UNC13B: variants seen among roughly 807,000 people sequenced by gnomAD.
UNC13B encodes protein unc-13 homolog B.
Under a neutral mutation model 211.0 loss-of-function variants are expected in UNC13B, and 144 were observed. The observed-to-expected ratio is 0.68, with a 90% confidence interval of 0.60 to 0.78. The LOEUF is 0.78. UNC13B is among the 30% of genes least tolerant of loss of function. The pLI is 0.00. For synonymous variants in UNC13B, 709 were observed against 725.8 expected, an observed-to-expected ratio of 0.98 and a Z score of 0.37; for missense variants, 1,777 against 2,002.0, an observed-to-expected ratio of 0.89 and a Z score of 2.14.
chr9:35,329,018 A>T (rs1831215316), intron 11 of UNC13B, among the ~76,000 whole-genome samples: 1 of 151,452 alleles, frequency 6.6e-6, no homozygotes. Context: ...TGATCCGCCC[A>T]CCTCGGCCTC....
intron 7 of UNC13B, among the ~76,000 whole-genome samples, chr9:35,282,898 T>A (rs1828586242): frequency 6.6e-6 from 1 of 152,220 alleles, no homozygotes; most frequent in Non-Finnish European, 1.5e-5. Flanking sequence ...TCCTATAAGT[T>A]TAGCTTAACA....
intron 1 of UNC13B, among the ~76,000 whole-genome samples, chr9:35,182,636 T>C (rs1031463890): frequency 6.6e-6 from 1 of 152,160 alleles, no homozygotes; most frequent in African/African-American, 2.4e-5. Context: ...GTAGTGTTTG[T>C]GTCCCTGGGT....
chr9:35,397,078 A>G, intron 28 of UNC13B, 89 bp from the exon 29 acceptor site: 2 of 1,602,118 alleles, frequency 1.2e-6, no homozygotes, highest in Non-Finnish European at 1.7e-6. Context: ...GCCATTAGCC[A>G]CTCTTGCTGG....
At chr9:35,243,239 T>G in intron 5 of UNC13B, 52 bp from the exon 6 acceptor site, 1 of 1,567,634 alleles carries the variant, frequency 6.4e-7, no homozygotes, top group South Asian at 1.1e-5. Context: ...TGCTGATGAT[T>G]TATTACCTGC....
chr9:35,183,163 T>A (rs555410779), intron 1 of UNC13B, among the ~76,000 whole-genome samples: 1 of 103,996 alleles, frequency 9.6e-6, no homozygotes, highest in Non-Finnish European at 1.9e-5. Context: ...ACCTCCCAGA[T>A]GGGGCGGCCG....
chr9:35,397,675 C>T lies in UNC13B; in HGVS notation c.11717C>T (p.Ser3906Leu). 1 of 1,614,088 alleles carries T rather than the reference C, an allele frequency of 6.2e-7. No homozygotes were observed. The highest frequency in any genetic ancestry group is 8.5e-7 in the Non-Finnish European group (1 of 1,179,998). Residue 3906 changes from serine to leucine, a missense_variant, in exon 30 of 40, where the codon TCA (serine) becomes TTA (leucine). By Grantham distance (145) the Ser-to-Leu change is moderately radical. Transcript: ENST00000635942. ...CTGATGCAGTATGCAGACATCTTGT[C>T]AAAGGACTTCCCAGCCTATTGCACA... ...KVLMQYADIL[S>L]KDFPAYCTKE...
chr9:35,378,368 C>T lies in UNC13B; in HGVS notation c.10137C>T (p.Ser3379=). ...SSDPYVTVQV[S]KTKKRTKTIF... is the part of the protein sequence containing the mutation. ...ACCCTTACGTGACTGTGCAAGTCAG[C>T]AAAACTAAGAAGCGTACCAAGACCA... is the stretch of plus-strand genomic sequence containing the variant. Residue 3379 remains serine, a synonymous_variant, in exon 17 of 40, where the codon AGC becomes AGT. Coordinates refer to ENST00000635942, the MANE Select transcript of UNC13B (RefSeq NM_001371189.2). The T allele has an allele frequency of 6.2e-7, 1 of 1,614,058 alleles. No individual in the cohort carries two copies. Among genetic ancestry groups the T allele is most frequent in the Non-Finnish European group, 8.5e-7 (1 of 1,180,002 alleles).
chr9:35,341,245 G>A (rs745713986), intron 11 of UNC13B, among the ~76,000 whole-genome samples: 16 of 152,036 alleles, frequency 1.1e-4, no homozygotes, highest in African/African-American at 3.4e-4. Context: ...TCCTTCTCTC[G>A]GGTTGTTGCT....
intron 11 of UNC13B, among the ~76,000 whole-genome samples, chr9:35,326,465 C>G (rs1480667933): frequency 6.6e-6 from 1 of 152,168 alleles, no homozygotes; most frequent in Non-Finnish European, 1.5e-5. Flanking sequence ...TGGTTCACTG[C>G]AGCCTTGAAT....
intron 11 of UNC13B, chr9:35,342,325 AT>A (rs1823478412): frequency 2.0e-6 from 2 of 985,334 alleles, no homozygotes; most frequent in East Asian, 1.1e-4. Context: ...CTTAACCCTT[AT>A]TTTGGTTGCA....
chr9:35,368,196 T>C (rs1051927870), intron 12 of UNC13B, among the ~76,000 whole-genome samples: 1 of 152,166 alleles, frequency 6.6e-6, no homozygotes, highest in Non-Finnish European at 1.5e-5. Flanking sequence ...TTTTTTCTGC[T>C]CCTCTCCCTC....
At chr9:35,355,295 T>C (rs540865835) in intron 11 of UNC13B, among the ~76,000 whole-genome samples, 1 of 152,328 alleles carries the variant, frequency 6.6e-6, no homozygotes, top group Non-Finnish European at 1.5e-5. Flanking sequence ...GGAAATGTAT[T>C]AGGTGAACAA....
intron 1 of UNC13B, among the ~76,000 whole-genome samples, chr9:35,201,435 G>T (rs1224025707): frequency 6.6e-6 from 1 of 152,154 alleles, no homozygotes; most frequent in Non-Finnish European, 1.5e-5. Flanking sequence ...TGTACCTCTG[G>T]TAGAATTCAG....
intron 11 of UNC13B, among the ~76,000 whole-genome samples, chr9:35,363,023 G>A (rs1206612873): frequency 1.3e-5 from 2 of 152,146 alleles, no homozygotes; most frequent in African/African-American, 4.8e-5. Context: ...GAAAGGAGGT[G>A]TGAGATGCTA....
At chr9:35,274,212 G>A (rs556494850) in intron 7 of UNC13B, among the ~76,000 whole-genome samples, 3 of 152,082 alleles carry the variant, frequency 2.0e-5, no homozygotes, top group South Asian at 2.1e-4. Flanking sequence ...TTGTGGCCTC[G>A]CACTCTCAAC....
intron 1 of UNC13B, among the ~76,000 whole-genome samples, chr9:35,216,064 T>C (rs772602483): frequency 6.6e-6 from 1 of 152,304 alleles, no homozygotes; most frequent in South Asian, 2.1e-4. Flanking sequence ...ATTTTAGGAA[T>C]AAAAGAGTGG....
At chr9:35,229,642 G>A (rs1825085227) in intron 2 of UNC13B, among the ~76,000 whole-genome samples, 1 of 151,322 alleles carries the variant, frequency 6.6e-6, no homozygotes, top group East Asian at 2.0e-4. Context: ...ATGTTGGGGT[G>A]GAGTACAAAA....
intron 11 of UNC13B, chr9:35,342,021 T>C: frequency 6.1e-6 from 6 of 985,484 alleles, no homozygotes; most frequent in Non-Finnish European, 7.2e-6. Flanking sequence ...GTTAGATTTC[T>C]ACGTTTGCAG....
chr9:35,174,552 C>CTT (rs1174428850), intron 1 of UNC13B, among the ~76,000 whole-genome samples: 3 of 140,908 alleles, frequency 2.1e-5, no homozygotes, highest in Non-Finnish European at 3.1e-5. Context: ...TCTTGAACTC[C>CTT]TTTTTTTTTT....
Sources: allele counts gnomAD v4.1 joint callset (sites outside exome capture counted in the v4.1 genomes callset), GRCh38; gene constraint gnomAD v4.1.1; transcripts MANE v1.5; gene names NCBI Gene and HGNC (gene_info 2026-07-23, HGNC 2026-07-21).